The following WDPCP variants were observed in gnomAD, a reference collection of about 807,000 sequenced individuals.
WDPCP encodes the protein WD repeat-containing and planar cell polarity effector protein fritz homolog.
A neutral mutation model predicts 93.1 loss-of-function variants in WDPCP; 71 were observed. That is an observed-to-expected ratio of 0.76 (90% CI 0.63 to 0.93). The LOEUF (loss-of-function observed/expected upper bound fraction) is 0.93, where lower values mean the gene tolerates loss of function less well. WDPCP is among the 40% of genes least tolerant of loss of function. The pLI, the probability that WDPCP is intolerant of heterozygous loss-of-function variation, is 0.00. For synonymous variants in WDPCP, 315 were observed against 315.0 expected (o/e 1.00, Z 0.00); for missense variants, 844 against 887.4 (o/e 0.95, Z 0.62).
intron 12 of WDPCP, among the ~76,000 whole-genome samples, chr2:63,359,213 C>A (rs973226333): frequency 6.6e-6 from 1 of 152,166 alleles, no homozygotes; most frequent in East Asian, 1.9e-4. Context: ...GTTCCGACAT[C>A]TACATTTAAA....
intron 14 of WDPCP, among the ~76,000 whole-genome samples, chr2:63,211,382 G>C (rs1676785161): frequency 6.6e-6 from 1 of 152,222 alleles, no homozygotes; most frequent in Admixed American, 6.5e-5. Flanking sequence ...AACTCCGACA[G>C]ACCTGCAGAT....
intron 6 of WDPCP, among the ~76,000 whole-genome samples, chr2:63,448,162 A>G (rs556777948): frequency 1.3e-5 from 2 of 152,162 alleles, no homozygotes; most frequent in South Asian, 4.2e-4. Context: ...TTTAGCTCAG[A>G]TCTACCACTT....
intron 1 of WDPCP, among the ~76,000 whole-genome samples, chr2:63,538,266 A>T (rs1704455531): frequency 1.3e-5 from 2 of 152,148 alleles, no homozygotes; most frequent in Non-Finnish European, 2.9e-5. Context: ...TAACATGAAA[A>T]ATTACAAAAT....
chr2:63,757,679 C>A (rs746546008), intron 2 of WDPCP, among the ~76,000 whole-genome samples: 4 of 152,228 alleles, frequency 2.6e-5, no homozygotes, highest in Non-Finnish European at 5.9e-5. Flanking sequence ...TGGGACTGTA[C>A]TTTCCTGCCC....
At chr2:63,687,640 T>C (rs1360192434) in intron 2 of WDPCP, among the ~76,000 whole-genome samples, 1 of 152,148 alleles carries the variant, frequency 6.6e-6, no homozygotes, top group East Asian at 1.9e-4. Flanking sequence ...TGAGATATCA[T>C]CTCACCCCAG....
intron 2 of WDPCP, among the ~76,000 whole-genome samples, chr2:63,709,492 A>G (rs900606158): frequency 1.3e-5 from 2 of 152,172 alleles, no homozygotes; most frequent in Non-Finnish European, 2.9e-5. Context: ...AATATTCCCA[A>G]TAAATAGAAT....
At chr2:63,755,390 G>A (rs1399779275) in intron 2 of WDPCP, among the ~76,000 whole-genome samples, 1 of 152,134 alleles carries the variant, frequency 6.6e-6, no homozygotes, top group African/African-American at 2.4e-5. Flanking sequence ...AGCAGGAGAC[G>A]CAAGGACATG....
chr2:63,840,754 A>G, the WDPCP span, among the ~76,000 whole-genome samples: 3 of 152,194 alleles, frequency 2.0e-5, no homozygotes, highest in Non-Finnish European at 4.4e-5. Flanking sequence ...ACTGAGATAT[A>G]CTGGCGAGGC....
At chr2:63,300,724 T>C (rs6709115) in intron 13 of WDPCP, among the ~76,000 whole-genome samples, 119,393 of 152,250 alleles carry the variant, frequency 0.78, 47,400 homozygotes, top group East Asian at 0.96. Context: ...GGGATATAGC[T>C]CAAGGGAAGA....
At chr2:63,560,872 A>G (rs186278288) in intron 1 of WDPCP, among the ~76,000 whole-genome samples, 275 of 152,274 alleles carry the variant, frequency 1.8e-3, no homozygotes, top group Non-Finnish European at 2.9e-3. Context: ...TAGGAGAAAT[A>G]CCTAATGTAA....
chr2:63,797,675 C>A (rs1340332747), intron 2 of WDPCP, among the ~76,000 whole-genome samples: 2 of 151,764 alleles, frequency 1.3e-5, no homozygotes, highest in Admixed American at 1.3e-4. Flanking sequence ...AGCACACCTA[C>A]AAAATCTAGA....
intron 9 of WDPCP, among the ~76,000 whole-genome samples, chr2:63,419,641 C>T (rs986692104): frequency 2.6e-5 from 4 of 152,060 alleles, no homozygotes; most frequent in Admixed American, 6.5e-5. Context: ...ACATGATTGA[C>T]GCCAATCTCT....
intron 4 of WDPCP, among the ~76,000 whole-genome samples, 166 bp downstream of exon 4, chr2:63,486,376 G>A (rs575158098): frequency 6.6e-6 from 1 of 151,866 alleles, no homozygotes; most frequent in East Asian, 1.9e-4. Flanking sequence ...ATCTAAATTA[G>A]AAAGGCCTGA....
intron 15 of WDPCP, among the ~76,000 whole-genome samples, chr2:63,154,261 G>A (rs1047344366): frequency 6.6e-6 from 1 of 151,700 alleles, no homozygotes; most frequent in African/African-American, 2.4e-5. Flanking sequence ...ACAGAATATA[G>A]AACAGTTTCA....
At chr2:63,375,102 CTTTATAATA>C (rs1691737417) in intron 12 of WDPCP, among the ~76,000 whole-genome samples, 2 of 152,018 alleles carry the variant, frequency 1.3e-5, no homozygotes, top group Admixed American at 1.3e-4. Context: ...ATTATTAACT[CTTTATAATA>C]CATTATATTT....
In WDPCP at chr2:63,531,454, C is replaced by T. The variant is rs368049111; in HGVS notation, c.76-38514G>A. Among the ~76,000 whole-genome samples, 14 of 152,292 alleles carry T rather than the reference C, an allele frequency of 9.2e-5. 1 individual carries two copies. The South Asian group carries it at 1.2e-3, about 14-fold the overall frequency. ...CACCTCCCAGTAGGGCTGACAGACACCTCATACAGCTGGGTGCCCCTCTAA... is the reference window on the plus strand; with the variant it reads ...CACCTCCCAGTAGGGCTGACAGACATCTCATACAGCTGGGTGCCCCTCTAA... On this transcript the variant is annotated intron_variant, in intron 1 of 17. Coordinates refer to ENST00000272321, the MANE Select transcript of WDPCP (RefSeq NM_015910.7).
At chr2:63,662,203 G>C (rs546994861) in intron 2 of WDPCP, among the ~76,000 whole-genome samples, 13 of 152,144 alleles carry the variant, frequency 8.5e-5, no homozygotes, top group Non-Finnish European at 1.6e-4. Flanking sequence ...GTGGTAAATA[G>C]CTGGATTTGA....
At chr2:63,803,931 T>C (rs1345033307) in intron 2 of WDPCP, among the ~76,000 whole-genome samples, 1 of 152,226 alleles carries the variant, frequency 6.6e-6, no homozygotes, top group Non-Finnish European at 1.5e-5. Flanking sequence ...TAGTTTCACA[T>C]TGTTCTTTCA....
At chr2:63,315,524 CAAGGCACTATAACTAAAAATTAGA>C (rs1327623351) in intron 12 of WDPCP, among the ~76,000 whole-genome samples, 2 of 151,756 alleles carry the variant, frequency 1.3e-5, no homozygotes, top group Admixed American at 1.3e-4. Context: ...CACAAGAAAA[CAAGGCACTATAACTAAAAATTAGA>C]AAAATAACAA....
Sources: allele counts gnomAD v4.1 joint callset (sites outside exome capture counted in the v4.1 genomes callset), GRCh38; gene constraint gnomAD v4.1.1; transcripts MANE v1.5; gene names NCBI Gene and HGNC (gene_info 2026-07-23, HGNC 2026-07-21).